Variants in GRIA1 observed in about 807,000 individuals in gnomAD.
The protein encoded by GRIA1 is glutamate ionotropic receptor AMPA type subunit 1.
Under a neutral mutation model 99.2 loss-of-function variants are expected in GRIA1, and 31 were observed. That is an observed-to-expected ratio of 0.31 (90% CI 0.23 to 0.42). GRIA1 has a LOEUF of 0.42. GRIA1 is among the 10% of genes least tolerant of loss of function. The probability of loss-of-function intolerance (pLI) is 1.00; values close to 1 mark genes in which losing one functional copy is unlikely to be tolerated. For synonymous variants in GRIA1, 438 were observed against 432.4 expected (o/e 1.01, Z -0.16); for missense variants, 782 against 1,157.5 (o/e 0.68, Z 4.71).
intron 2 of GRIA1, among the ~76,000 whole-genome samples, chr5:153,593,826 A>T (rs749939493): frequency 2.0e-5 from 3 of 152,160 alleles, no homozygotes; most frequent in Non-Finnish European, 4.4e-5. Flanking sequence ...AGGCTCTCCT[A>T]TTCTCTATAT....
chr5:153,576,145 A>T (rs1014410606), intron 2 of GRIA1, among the ~76,000 whole-genome samples: 28 of 152,236 alleles, frequency 1.8e-4, no homozygotes, highest in Admixed American at 1.8e-3. Flanking sequence ...TAAGACAGTG[A>T]TGATAATGAC....
intron 2 of GRIA1, among the ~76,000 whole-genome samples, chr5:153,597,835 C>G (rs1424514936): frequency 7.5e-6 from 1 of 133,226 alleles, no homozygotes; most frequent in African/African-American, 2.5e-5. Flanking sequence ...TGGCAAGACC[C>G]CGTCTCTAAA....
At chr5:153,621,245 A>T in intron 2 of GRIA1, among the ~76,000 whole-genome samples, 1 of 152,142 alleles carries the variant, frequency 6.6e-6, no homozygotes, top group Non-Finnish European at 1.5e-5. Flanking sequence ...GCAGCTCATT[A>T]AGTGATTAGT....
chr5:153,654,733 G>A (rs1011909123), intron 4 of GRIA1, among the ~76,000 whole-genome samples: 12 of 152,146 alleles, frequency 7.9e-5, no homozygotes, highest in African/African-American at 2.9e-4. Context: ...TAGAGAAGAA[G>A]CCCAAGTGCT....
intron 2 of GRIA1, among the ~76,000 whole-genome samples, chr5:153,638,445 T>C (rs1753547561): frequency 1.3e-5 from 2 of 152,262 alleles, no homozygotes; most frequent in Admixed American, 1.3e-4. Flanking sequence ...ATGCCCAGCA[T>C]GCATCTCCTC....
chr5:153,664,804 G>T (rs970952228), intron 5 of GRIA1, among the ~76,000 whole-genome samples: 2 of 152,148 alleles, frequency 1.3e-5, no homozygotes, highest in African/African-American at 4.8e-5. Context: ...TATTTATCAT[G>T]TTTGGACTTT....
chr5:153,745,186 G>A lies in GRIA1; in HGVS notation c.1824-19248G>A, dbSNP rs182299292. Among the ~76,000 whole-genome samples the A allele has an allele frequency of 2.8e-3, 430 of 151,998 alleles. 1 individual carries two copies. The highest frequency in any genetic ancestry group is 0.017 in the Middle Eastern group (5 of 294). On this transcript the variant is annotated intron_variant, in intron 11 of 15. Transcript: ENST00000285900. ...GATTATTCTCAACCTTCGGCTCTCC[G>A]CTTAAATATCACTCCTTCAGAGAGG...
intron 11 of GRIA1, among the ~76,000 whole-genome samples, chr5:153,739,437 G>T (rs1215602220): frequency 6.6e-6 from 1 of 152,174 alleles, no homozygotes; most frequent in African/African-American, 2.4e-5. Context: ...GCACATAGAA[G>T]CCTCCTGATA....
At chr5:153,744,908 G>A (rs1473000180) in intron 11 of GRIA1, among the ~76,000 whole-genome samples, 2 of 152,226 alleles carry the variant, frequency 1.3e-5, no homozygotes, top group African/African-American at 2.4e-5. Flanking sequence ...GAAATGAGAG[G>A]TGAGCGTAGG....
chr5:153,725,960 C>T (rs1451879592), intron 11 of GRIA1, among the ~76,000 whole-genome samples: 7 of 142,050 alleles, frequency 4.9e-5, no homozygotes, highest in Non-Finnish European at 6.1e-5. Flanking sequence ...CCGCACCACA[C>T]CTATTCCAAA....
At chr5:153,702,198 CAAATGTCTGCATTT>C (rs1412961906) in intron 10 of GRIA1, among the ~76,000 whole-genome samples, 2 of 152,216 alleles carry the variant, frequency 1.3e-5, no homozygotes, top group Non-Finnish European at 2.9e-5. Context: ...GAGAGAACAG[CAAATGTCTGCATTT>C]GCAGATGCCA....
At chr5:153,666,750 A>G (rs540012549) in intron 5 of GRIA1, among the ~76,000 whole-genome samples, 4 of 152,172 alleles carry the variant, frequency 2.6e-5, no homozygotes, top group African/African-American at 4.8e-5. Context: ...TAACACAAAT[A>G]AAGTACTTAG....
At chr5:153,789,231 G>A (rs1222772600) in intron 13 of GRIA1, among the ~76,000 whole-genome samples, 1 of 151,860 alleles carries the variant, frequency 6.6e-6, no homozygotes, top group Admixed American at 6.6e-5. Flanking sequence ...CTAATAATGA[G>A]TGCCAGACTC....
Position 153,692,617 on chromosome 5 carries a change from C to T in GRIA1, c.1135-5427C>T, listed in dbSNP as rs1757842027. 3.3e-5 allele frequency among the ~76,000 whole-genome samples: 5 copies of T among 152,190 alleles called. No homozygotes were observed. The South Asian group carries it at 6.2e-4, about 19-fold the overall frequency. The stretch of plus-strand genomic sequence containing the variant: ...GATCCACAAAGCCAAAGATATCTAC[C>T]GTCTGGCCCTTTAGGATAAAGCTTG... On this transcript the variant is annotated intron_variant, in intron 8 of 15. Transcript: ENST00000285900.
chr5:153,494,492 T>A (rs1274439229), intron 2 of GRIA1, among the ~76,000 whole-genome samples: 2 of 152,224 alleles, frequency 1.3e-5, no homozygotes, highest in African/African-American at 4.8e-5. Context: ...TGTAGCTTGA[T>A]AAGAAATAAT....
At chr5:153,645,326 G>T (rs1318316002) in intron 2 of GRIA1, among the ~76,000 whole-genome samples, 1 of 152,128 alleles carries the variant, frequency 6.6e-6, no homozygotes, top group Admixed American at 6.5e-5. Flanking sequence ...TGGTTCAGCT[G>T]CAATCTTTAA....
intron 2 of GRIA1, among the ~76,000 whole-genome samples, chr5:153,507,567 C>A (rs571801681): frequency 4.3e-4 from 65 of 152,276 alleles, no homozygotes; most frequent in African/African-American, 1.4e-3. Flanking sequence ...TCAACTTCTC[C>A]ATATAATCAA....
chr5:153,674,500 G>T lies in GRIA1; in HGVS notation c.700G>T (p.Gly234Cys). ...IGYHYILANL[G>C]FMDIDLNKFK... ...CTTCTCCCTCCTCCCCCTCTCACAG[G>T]GCTTCATGGACATTGACTTAAACAA... Residue 234 changes from glycine (G) to cysteine (C), a missense_variant and splice_region_variant, in exon 6 of 16, where the codon GGC (glycine) becomes TGC (cysteine). By Grantham distance (159) the Gly-to-Cys change is radical. Around this residue, in one of 5 missense-constraint regions of GRIA1, gnomAD observed 461 missense variants for 521.7 expected, o/e 0.88. Coordinates refer to ENST00000285900, the MANE Select transcript of GRIA1 (RefSeq NM_000827.4). The T allele has an allele frequency of 6.2e-7, 1 of 1,614,036 alleles. No individual in the cohort carries two copies. The highest frequency in any genetic ancestry group is 1.3e-5 in the African/African-American group (1 of 75,018).
intron 2 of GRIA1, among the ~76,000 whole-genome samples, chr5:153,539,764 T>A (rs551094691): frequency 6.6e-6 from 1 of 152,388 alleles, no homozygotes; most frequent in East Asian, 1.9e-4. Flanking sequence ...TTCCTGTTTT[T>A]ATCATTTGTC....
Sources: gnomAD v4.1 joint callset for allele counts (sites outside exome capture counted in the v4.1 genomes callset) on GRCh38, gnomAD v4.1.1 for gene constraint, gnomAD v4.1.1 regional missense constraint, MANE v1.5 for transcripts, NCBI Gene and HGNC (gene_info 2026-07-23, HGNC 2026-07-21) for gene names.